The following PTPRN2 variants were observed in gnomAD, a reference collection of about 807,000 sequenced individuals.
PTPRN2 encodes the protein protein tyrosine phosphatase receptor type N2.
PTPRN2 carries 74 observed loss-of-function variants against 118.8 expected under a neutral mutation model. The ratio of observed to expected loss-of-function variants is 0.62; its 90% CI spans 0.52 to 0.76. The LOEUF is 0.76. Ranked by LOEUF, PTPRN2 falls within the 30% of genes least tolerant of loss-of-function variation. The pLI, the probability that PTPRN2 is intolerant of heterozygous loss-of-function variation, is 0.00. For synonymous variants in PTPRN2, 641 were observed against 608.0 expected (o/e 1.05, Z -0.80); for missense variants, 1,481 against 1,394.4 (o/e 1.06, Z -0.99).
chr7:158,018,359 G>C (rs1806595065), intron 11 of PTPRN2, among the ~76,000 whole-genome samples: 1 of 150,820 alleles, frequency 6.6e-6, no homozygotes, highest in African/African-American at 2.4e-5. Flanking sequence ...GGCCAGAGAA[G>C]ACAGGCGTAG....
intron 3 of PTPRN2, among the ~76,000 whole-genome samples, chr7:158,226,478 T>C (rs1828787350): frequency 6.6e-6 from 1 of 151,944 alleles, no homozygotes; most frequent in Non-Finnish European, 1.5e-5. Flanking sequence ...GCAGAGGAGA[T>C]CCCCGTGGGA....
intron 1 of PTPRN2, among the ~76,000 whole-genome samples, chr7:158,582,273 T>C (rs1047556397): frequency 2.6e-5 from 4 of 152,212 alleles, no homozygotes; most frequent in Non-Finnish European, 5.9e-5. Flanking sequence ...AATTTAGCTG[T>C]TTGCTTTCTC....
At chr7:158,332,756 AG>A (rs1274006233) in intron 2 of PTPRN2, among the ~76,000 whole-genome samples, 1 of 151,340 alleles carries the variant, frequency 6.6e-6, no homozygotes, top group Admixed American at 6.6e-5. Flanking sequence ...AGGCCCACAG[AG>A]GACACTCACA....
intron 2 of PTPRN2, among the ~76,000 whole-genome samples, chr7:158,376,124 C>T (rs970933466): frequency 6.6e-6 from 1 of 152,176 alleles, no homozygotes; most frequent in Non-Finnish European, 1.5e-5. Flanking sequence ...GATGCTACTG[C>T]AGGGCCAGAG....
At chr7:158,112,547 G>A (rs962940470) in intron 9 of PTPRN2, among the ~76,000 whole-genome samples, 56 of 152,310 alleles carry the variant, frequency 3.7e-4, no homozygotes, top group Admixed American at 1.4e-3. Context: ...CCATGCCGGT[G>A]GAGTCCGCTG....
intron 17 of PTPRN2, among the ~76,000 whole-genome samples, chr7:157,582,055 A>T (rs1800412032): frequency 6.6e-6 from 1 of 152,208 alleles, no homozygotes; most frequent in Non-Finnish European, 1.5e-5. Flanking sequence ...TCAGACTACC[A>T]GGCTCCAGAA....
At chr7:157,545,619 G>C (rs1563200402) in intron 22 of PTPRN2, among the ~76,000 whole-genome samples, 2 of 152,110 alleles carry the variant, frequency 1.3e-5, no homozygotes, top group Non-Finnish European at 2.9e-5. Context: ...TAAGATGATG[G>C]AGTTTGTGGT....
At chr7:158,016,669 G>A (rs73169764) in intron 11 of PTPRN2, among the ~76,000 whole-genome samples, 24,350 of 152,148 alleles carry the variant, frequency 0.16, 2,074 homozygotes, top group Non-Finnish European at 0.19. Flanking sequence ...TCTAATCTGC[G>A]GCGTCCTTTG....
At chr7:158,043,431 C>T (rs1166723221) in intron 11 of PTPRN2, among the ~76,000 whole-genome samples, 1 of 152,240 alleles carries the variant, frequency 6.6e-6, no homozygotes, top group East Asian at 1.9e-4. Flanking sequence ...TGACCAGGGA[C>T]AGGAGGATCA....
At chr7:157,802,314 G>A (rs965885967) in intron 12 of PTPRN2, among the ~76,000 whole-genome samples, 3 of 152,170 alleles carry the variant, frequency 2.0e-5, no homozygotes, top group Non-Finnish European at 2.9e-5. Flanking sequence ...TAGATTCCAC[G>A]CTTCAGCGAC....
intron 1 of PTPRN2, chr7:158,541,607 C>A (rs778687252): frequency 2.2e-6 from 3 of 1,351,018 alleles, no homozygotes; most frequent in East Asian, 9.1e-5. Flanking sequence ...CCACAGCCAT[C>A]TGGCTGTCAT....
At chr7:157,856,304 A>G (rs1318585394) in intron 12 of PTPRN2, among the ~76,000 whole-genome samples, 2 of 152,270 alleles carry the variant, frequency 1.3e-5, no homozygotes, top group African/African-American at 4.8e-5. Context: ...TCACACGGCA[A>G]TGAAACTATT....
chr7:158,049,677 G>T (rs934347471), intron 11 of PTPRN2, among the ~76,000 whole-genome samples: 1 of 152,194 alleles, frequency 6.6e-6, no homozygotes, highest in East Asian at 1.9e-4. Context: ...GAGGTGGGTG[G>T]ATCACCTGAG....
chr7:158,387,893 G>A lies in PTPRN2; in HGVS notation c.164-70961C>T, dbSNP rs186730651. On this transcript the variant is annotated intron_variant, in intron 2 of 22. Coordinates refer to ENST00000389418, the MANE Select transcript of PTPRN2 (RefSeq NM_002847.5). The stretch of plus-strand genomic sequence containing the variant: ...CAGCTGCCCTGCAGATGTCAGACCC[G>A]CCAGGCCCCCAATCGGTGAGCTAAT... Among the ~76,000 whole-genome samples the A allele has an allele frequency of 4.0e-3, 607 of 152,238 alleles. 2 individuals are homozygous for A. The highest frequency in any genetic ancestry group is 0.014 in the African/African-American group (581 of 41,538).
rs535751951 is a variant in PTPRN2, at chr7:157,814,273, G to A, written c.1788+84400C>T. ...TCCTTAAAGCTCCACATCATAAAAC[G>A]GATGTGCGCGTGAAGGAAACGTGGG... On this transcript the variant is annotated intron_variant, in intron 12 of 22. Transcript: ENST00000389418. Among the ~76,000 whole-genome samples the A allele has an allele frequency of 1.1e-4, 17 of 152,326 alleles. No homozygotes were observed. The South Asian group carries it at 3.3e-3, about 30-fold the overall frequency.
chr7:158,242,436 C>T (rs1795955044), intron 3 of PTPRN2, among the ~76,000 whole-genome samples: 1 of 152,202 alleles, frequency 6.6e-6, no homozygotes, highest in South Asian at 2.1e-4. Context: ...AGGGAATTCA[C>T]AAAGTTCAAC....
intron 1 of PTPRN2, among the ~76,000 whole-genome samples, chr7:158,542,553 A>C (rs1024578200): frequency 6.6e-6 from 1 of 152,212 alleles, no homozygotes; most frequent in Non-Finnish European, 1.5e-5. Context: ...CGCAGAAGGG[A>C]TGTGCCCAGC....
intron 12 of PTPRN2, among the ~76,000 whole-genome samples, chr7:157,730,983 G>A (rs560843097): frequency 6.6e-6 from 1 of 152,118 alleles, no homozygotes; most frequent in East Asian, 1.9e-4. Context: ...GTGAGCTCAC[G>A]TCCTGCTCTG....
chr7:157,735,266 G>A (rs55982621), intron 12 of PTPRN2, among the ~76,000 whole-genome samples: 61,987 of 152,196 alleles, frequency 0.41, 14,097 homozygotes, highest in Non-Finnish European at 0.52. Context: ...AAGATCCATC[G>A]AATGTATTGT....
Sources: allele counts gnomAD v4.1 joint callset (sites outside exome capture counted in the v4.1 genomes callset), GRCh38; gene constraint gnomAD v4.1.1; transcripts MANE v1.5; gene names NCBI Gene and HGNC (gene_info 2026-07-23, HGNC 2026-07-21).